The following TMEM117 variants were observed in gnomAD, a reference collection of about 807,000 sequenced individuals.
TMEM117 encodes the protein transmembrane protein 117.
In TMEM117, 27 loss-of-function variants were observed where a neutral mutation model predicts 52.4. That is an observed-to-expected ratio of 0.51 (90% CI 0.38 to 0.71). The LOEUF (loss-of-function observed/expected upper bound fraction) is 0.71. Among genes scored for constraint, TMEM117 ranks in the 30% least tolerant of loss-of-function variants. TMEM117 has a pLI of 0.00. For synonymous variants in TMEM117, 215 were observed against 206.3 expected (o/e 1.04, Z -0.36); for missense variants, 556 against 630.5 (o/e 0.88, Z 1.26).
intron 3 of TMEM117, among the ~76,000 whole-genome samples, chr12:44,075,754 G>A (rs1947371982): frequency 6.6e-6 from 1 of 152,068 alleles, no homozygotes; most frequent in Non-Finnish European, 1.5e-5. Flanking sequence ...CTTGTGCCTT[G>A]GGGTATAGGG....
intron 2 of TMEM117, among the ~76,000 whole-genome samples, chr12:43,860,295 T>C (rs1055001710): frequency 2.0e-5 from 3 of 151,904 alleles, no homozygotes; most frequent in Admixed American, 2.0e-4. Context: ...GGAGCCTTAA[T>C]GATATAGGAC....
chr12:43,970,959 G>A (rs550608593), intron 3 of TMEM117, among the ~76,000 whole-genome samples: 45 of 151,790 alleles, frequency 3.0e-4, no homozygotes, highest in Admixed American at 1.6e-3. Context: ...ATATGTCAAC[G>A]GTATTCAACC....
At chr12:43,907,996 C>T (rs1300306276) in intron 2 of TMEM117, among the ~76,000 whole-genome samples, 3 of 65,282 alleles carry the variant, frequency 4.6e-5, no homozygotes, top group African/African-American at 9.0e-5. Flanking sequence ...ATACAGAGAA[C>T]GCCACAAAGA....
chr12:44,089,761 A>G (rs1441320270), intron 3 of TMEM117, among the ~76,000 whole-genome samples: 1 of 152,210 alleles, frequency 6.6e-6, no homozygotes, highest in African/African-American at 2.4e-5. Flanking sequence ...AGTAGGGGAT[A>G]GCAAACTTTT....
chr12:43,891,367 A>ATTTTTTTTTTGTTTTTTTTTTT (rs1944100626), intron 2 of TMEM117, among the ~76,000 whole-genome samples: 1 of 57,804 alleles, frequency 1.7e-5, no homozygotes, highest in Non-Finnish European at 3.1e-5. Flanking sequence ...TACCTCTTGA[A>ATTTTTTTTTTGTTTTTTTTTTT]TTTTTTTTTT....
intron 2 of TMEM117, among the ~76,000 whole-genome samples, chr12:43,937,405 G>A (rs1944968950): frequency 1.3e-5 from 2 of 152,226 alleles, no homozygotes; most frequent in Non-Finnish European, 2.9e-5. Flanking sequence ...TCTCAACTGT[G>A]TTGTGCAACT....
chr12:43,913,427 G>A (rs563742417), intron 2 of TMEM117, among the ~76,000 whole-genome samples: 1 of 152,228 alleles, frequency 6.6e-6, no homozygotes, highest in South Asian at 2.1e-4. Flanking sequence ...AATAAAGTTT[G>A]TATTAAGTAT....
chr12:44,391,882 G>C (rs1188312864), downstream of TMEM117, among the ~76,000 whole-genome samples: 2 of 152,056 alleles, frequency 1.3e-5, no homozygotes, highest in Admixed American at 1.3e-4. Flanking sequence ...TTCCCTCTGA[G>C]ACTGACTTGG....
intron 7 of TMEM117, among the ~76,000 whole-genome samples, chr12:44,377,965 A>G (rs1951965356): frequency 1.3e-5 from 2 of 152,230 alleles, no homozygotes; most frequent in Non-Finnish European, 2.9e-5. Context: ...AGGCCCATCT[A>G]TTAAATTCAC....
intron 5 of TMEM117, among the ~76,000 whole-genome samples, chr12:44,211,918 G>A (rs569804468): frequency 6.6e-6 from 1 of 152,158 alleles, no homozygotes. Context: ...TTATGTGTAC[G>A]TGAACAAGTT....
At chr12:44,323,834 A>G (rs772774515) in intron 6 of TMEM117, among the ~76,000 whole-genome samples, 1 of 152,116 alleles carries the variant, frequency 6.6e-6, no homozygotes, top group Admixed American at 6.6e-5. Flanking sequence ...TTTTGCATCT[A>G]TATTTATAAA....
At chr12:43,913,723 T>G (rs1393418038) in intron 2 of TMEM117, among the ~76,000 whole-genome samples, 1 of 152,204 alleles carries the variant, frequency 6.6e-6, no homozygotes, top group Non-Finnish European at 1.5e-5. Flanking sequence ...ACAAACTGGA[T>G]TTATGCAAGG....
chr12:44,393,515 G>A (rs1952170105), downstream of TMEM117, among the ~76,000 whole-genome samples: 1 of 151,766 alleles, frequency 6.6e-6, no homozygotes, highest in South Asian at 2.1e-4. Context: ...CAGGCTTAGA[G>A]AGGTTTTTTT....
chr12:44,294,664 A>G (rs1281500163), intron 5 of TMEM117, among the ~76,000 whole-genome samples: 2 of 152,170 alleles, frequency 1.3e-5, no homozygotes, highest in Non-Finnish European at 2.9e-5. Flanking sequence ...CTTTGGAGCC[A>G]TTATTAAGTA....
downstream of TMEM117, among the ~76,000 whole-genome samples, chr12:44,392,521 C>CT (rs923282398): frequency 4.0e-5 from 6 of 151,704 alleles, no homozygotes; most frequent in East Asian, 3.9e-4. Flanking sequence ...GGTTAGCTGG[C>CT]TTTTTTTTAT....
At chr12:44,383,255 A>G (rs1369458014) in intron 7 of TMEM117, among the ~76,000 whole-genome samples, 1 of 152,208 alleles carries the variant, frequency 6.6e-6, no homozygotes, top group Non-Finnish European at 1.5e-5. Context: ...TCAGTCATGA[A>G]AAGTTCATTA....
chr12:44,100,456 C>T (rs1161441778), intron 3 of TMEM117, among the ~76,000 whole-genome samples: 1 of 151,898 alleles, frequency 6.6e-6, no homozygotes, highest in Non-Finnish European at 1.5e-5. Flanking sequence ...CACGTTAATG[C>T]CTAATGCTTC....
intron 3 of TMEM117, among the ~76,000 whole-genome samples, chr12:44,015,680 G>A (rs545823738): frequency 2.8e-4 from 43 of 152,256 alleles, no homozygotes; most frequent in South Asian, 6.2e-4. Context: ...TCAGGATTCA[G>A]AGTGTATTTT....
At chr12:44,193,879 A>G (rs1949385870) in intron 4 of TMEM117, among the ~76,000 whole-genome samples, 1 of 152,228 alleles carries the variant, frequency 6.6e-6, no homozygotes, top group African/African-American at 2.4e-5. Context: ...TCCTTAAAAT[A>G]TCTCCACAAA....
Sources: allele counts gnomAD v4.1 joint callset (sites outside exome capture counted in the v4.1 genomes callset), GRCh38; gene constraint gnomAD v4.1.1; transcripts MANE v1.5; gene names NCBI Gene and HGNC (gene_info 2026-07-23, HGNC 2026-07-21).